Variants in CIAO3 observed in about 807,000 individuals in gnomAD.
CIAO3 encodes the protein LET1 like/JFP15.
Under a neutral mutation model 51.5 loss-of-function variants are expected in CIAO3, and 45 were observed. That is an observed-to-expected ratio of 0.87 (90% confidence interval 0.69 to 1.12). The LOEUF (loss-of-function observed/expected upper bound fraction) is 1.12. Among genes scored for constraint, CIAO3 ranks in the 50% most tolerant of loss-of-function variants. The pLI is 0.00. For missense variants in CIAO3, 668 were observed against 632.5 expected, an observed-to-expected ratio of 1.06 and a Z score of -0.60; for synonymous variants, 314 against 269.3, an observed-to-expected ratio of 1.17 and a Z score of -1.63.
At position 735,983 on chromosome 16, in the gene CIAO3, G is replaced by A. The variant is rs922502557; in HGVS notation, c.439+283C>T. Among the ~76,000 whole-genome samples, 5 of 152,158 alleles carry A rather than the reference G, an allele frequency of 3.3e-5. 1 individual carries two copies. In the South Asian group the frequency reaches 6.2e-4, roughly 19 times the overall value. ...CCTTGGCTGAACCCAACAGAGCCCC[G>A]GAGAGAGTGCCTTAATATTATCAGC... On this transcript the variant is annotated intron_variant, in intron 4 of 10. Coordinates refer to ENST00000251588, the MANE Select transcript of CIAO3 (RefSeq NM_022493.3).
In CIAO3 at chr16:739,692, A is replaced by C. The variant is rs1344071221; in HGVS notation, c.113T>G (p.Val38Gly). 1 of 1,614,084 alleles carries C rather than the reference A, an allele frequency of 6.2e-7. No homozygotes were observed. Residue 38 changes from valine to glycine, a missense_variant, in exon 2 of 11, where the codon GTG becomes GGG. Transcript: ENST00000251588. ...VKVEKRAGSG[V>G]AKIRIEDDGS... ...GTCATCTTCAATGCGAATCTTGGCC[A>C]CGCCACTTCCCGCCCTTTTTTCCAC...
In CIAO3 at chr16:730,167, C is replaced by G. The variant is rs2041256812; in HGVS notation, c.*250G>C. 2 of 579,624 alleles carry G rather than the reference C, an allele frequency of 3.5e-6. No individual in the cohort carries two copies. Among genetic ancestry groups the G allele is most frequent in the South Asian group, 4.1e-5 (2 of 48,948 alleles). The allele number at this position is 579,624 out of a possible 1,614,324, so 35.9% of individuals were successfully genotyped here. A position where few individuals can be genotyped will look rare whatever the true frequency, so the allele number is the denominator to read the frequency against. ...CGGCCCAGGGCCAACGGAACAGGCT[C>G]TGGGACCTCAGGGAACCTTCTGCTG... On this transcript the variant is annotated 3_prime_UTR_variant, in exon 11 of 11. Transcript: ENST00000251588.
At chr16:734,925 C>T in intron 4 of CIAO3, 54 bp from the exon 5 acceptor site, 1 of 1,489,558 alleles carries the variant, frequency 6.7e-7, no homozygotes, top group South Asian at 1.3e-5. Flanking sequence ...CCCACACGAG[C>T]ACACGCCGGC....
At chr16:740,881 C>T in intron 1 of CIAO3, 39 bp downstream of exon 1, 1 of 1,517,256 alleles carries the variant, frequency 6.6e-7, no homozygotes, top group Non-Finnish European at 8.8e-7. Flanking sequence ...GACAGGGCAC[C>T]GAGCGCAGCC....
chr16:740,906 C>T lies in CIAO3; in HGVS notation c.66+14G>A. ...CGAGCGCAGCCTCGACCCCGCCCGC[C>T]CAGGCCGGCCCACCTGAGACGGCCC... is the stretch of plus-strand genomic sequence containing the variant. On this transcript the variant is annotated intron_variant, in intron 1 of 10. Transcript: ENST00000251588. 6.5e-7 allele frequency: 1 copy of T among 1,528,430 alleles called. No homozygotes were observed. Among genetic ancestry groups the T allele is most frequent in the South Asian group, 1.2e-5 (1 of 83,460 alleles). 94.7% of individuals were successfully genotyped at this position (1,528,430 alleles called of 1,614,324 possible). A position where few individuals can be genotyped will look rare whatever the true frequency, so the allele number is the denominator to read the frequency against.
In CIAO3 at chr16:737,754, G is replaced by A. The variant is rs1382097209; in HGVS notation, c.163-425C>T. On this transcript the variant is annotated intron_variant, in intron 2 of 10. Coordinates refer to ENST00000251588, the MANE Select transcript of CIAO3 (RefSeq NM_022493.3). The surrounding 1 kb of genome is among the most constrained non-coding windows in gnomAD (Gnocchi z 5.3). Reference sequence around the variant, plus strand: ...GGAGGAAAGGACGAAGGCACAGGAAGAGGAGAGCAGAGGGAGGAAGCCTGG... The same window carrying A: ...GGAGGAAAGGACGAAGGCACAGGAAAAGGAGAGCAGAGGGAGGAAGCCTGG... The A allele has an allele frequency of 2.4e-5, 30 of 1,252,172 alleles. No homozygotes were observed. Among genetic ancestry groups the A allele is most frequent in the Admixed American group, 7.9e-5 (3 of 38,042 alleles). The allele number at this position is 1,252,172 out of a possible 1,614,324, so 77.6% of individuals were successfully genotyped here. A position where few individuals can be genotyped will look rare whatever the true frequency, so the allele number is the denominator to read the frequency against.
In CIAO3 at chr16:730,975, G is replaced by A; in HGVS notation, c.1060C>T (p.Leu354=). 4 of 1,612,926 alleles carry A rather than the reference G, an allele frequency of 2.5e-6. No homozygotes were observed. The highest frequency in any genetic ancestry group is 2.5e-6 in the Non-Finnish European group (3 of 1,179,972). Residue 354 remains leucine, a synonymous_variant, in exon 10 of 11, where the codon CTG becomes TTG. Coordinates refer to ENST00000251588, the MANE Select transcript of CIAO3 (RefSeq NM_022493.3). Reference sequence around the variant, plus strand: ...AGCAGCACCTGGCCCTCCTTCTCCAGTGTCACCTCCTGGAAGTCTTTGTTC... The same window carrying A: ...AGCAGCACCTGGCCCTCCTTCTCCAATGTCACCTCCTGGAAGTCTTTGTTC... ...LRNKDFQEVT[L]EKEGQVLLHF... is the part of the protein sequence containing the mutation.
chr16:738,478 G>A (rs538180604), intron 2 of CIAO3: 10 of 336,428 alleles, frequency 3.0e-5, no homozygotes, highest in Non-Finnish European at 3.8e-5. Context: ...CTTCCCGGTA[G>A]CTGGGACTAC....
intron 4 of CIAO3, 142 bp downstream of exon 4, chr16:736,124 G>A: frequency 9.2e-7 from 1 of 1,085,770 alleles, no homozygotes; most frequent in Non-Finnish European, 1.3e-6. Context: ...TCAGGCTGAG[G>A]TCACAGAGGG....
intron 8 of CIAO3, 27 bp from the exon 9 acceptor site, chr16:731,729 C>T (rs780927455): frequency 2.6e-6 from 4 of 1,522,072 alleles, no homozygotes; most frequent in Middle Eastern, 1.7e-4. Flanking sequence ...GGCCTCAGCA[C>T]AGCTGGGGCT....
chr16:731,323 G>A (rs1305251794), intron 9 of CIAO3: 1 of 622,924 alleles, frequency 1.6e-6, no homozygotes, highest in Non-Finnish European at 2.7e-6. Flanking sequence ...GCCCATGCTG[G>A]CCTCTCGGGC....
rs1344605238 is a variant in CIAO3, at chr16:734,309, T to C, written c.613A>G (p.Ile205Val). The C allele has an allele frequency of 6.2e-7, 1 of 1,611,576 alleles. No homozygotes were observed. The highest frequency in any genetic ancestry group is 1.7e-5 in the Admixed American group (1 of 59,998). ...CYAEKTHGSFILPHISTARSP... is the reference protein window; with the variant it reads ...CYAEKTHGSFVLPHISTARSP... Reference sequence around the variant, plus strand: ...CGGGCGGTGCTGATGTGGGGGAGGATGAAGCTGCCGTGAGTCTTCTCGGCA... The same window carrying C: ...CGGGCGGTGCTGATGTGGGGGAGGACGAAGCTGCCGTGAGTCTTCTCGGCA... Residue 205 changes from isoleucine (I) to valine (V), a missense_variant, in exon 6 of 11, where the codon ATC (isoleucine) becomes GTC (valine). Coordinates refer to ENST00000251588, the MANE Select transcript of CIAO3 (RefSeq NM_022493.3).
At position 734,804 on chromosome 16, in the gene CIAO3, A is replaced by G; in HGVS notation, c.507T>C (p.Phe169=). ...CGGCCTGTCCTCGGAATCGCCGCAC[A>G]AACTCTCGCTGGCTCTCCAGGAGGC... ...HFSLLESQRE[F]VRRFRGQADC... Residue 169 remains phenylalanine (F), a synonymous_variant, in exon 5 of 11, where the codon TTT becomes TTC. Coordinates refer to ENST00000251588, the MANE Select transcript of CIAO3 (RefSeq NM_022493.3). The G allele has an allele frequency of 6.2e-7, 1 of 1,606,158 alleles. No individual in the cohort carries two copies. Among genetic ancestry groups the G allele is most frequent in the Non-Finnish European group, 8.5e-7 (1 of 1,174,908 alleles).
Position 730,551 on chromosome 16 carries a change from C to T in CIAO3, c.1297G>A (p.Glu433Lys), listed in dbSNP as rs374312196. ...LYGMVRAEAP[E>K]DAPGVQELYT... Reference sequence around the variant, plus strand: ...AGCTCCTGAACCCCAGGCGCGTCCTCGGGCGCCTCAGCCCGGACCATGCCG... The same window carrying T: ...AGCTCCTGAACCCCAGGCGCGTCCTTGGGCGCCTCAGCCCGGACCATGCCG... The change falls in exon 11 of 11, where the codon GAG becomes AAG. Residue 433 changes from glutamate to lysine, a missense_variant. Glu to Lys is a moderately conservative substitution (Grantham distance 56). Transcript: ENST00000251588. 17 of 1,610,886 alleles carry T rather than the reference C, an allele frequency of 1.1e-5. No homozygotes were observed. Among genetic ancestry groups the T allele is most frequent in the African/African-American group, 6.7e-5 (5 of 74,950 alleles).
chr16:733,424 A>G lies in CIAO3; in HGVS notation c.697T>C (p.Leu233=). The part of the protein sequence containing the change: ...VKDFFAQQQH[L]TPDKIYHVTV... ...ACGTGGTAGATCTTGTCAGGGGTCA[A>G]GTGCTACAAGGAGAAACAAACACTT... Residue 233 remains leucine, a synonymous_variant, in exon 7 of 11, where the codon TTG becomes CTG. Transcript: ENST00000251588. The G allele has an allele frequency of 6.2e-7, 1 of 1,613,744 alleles. No homozygotes were observed. The highest frequency in any genetic ancestry group is 2.2e-5 in the East Asian group (1 of 44,880).
At position 733,544 on chromosome 16, in the gene CIAO3, TC is replaced by T. The variant is rs1427743321; in HGVS notation, c.694-118del. On this transcript the variant is annotated intron_variant, in intron 6 of 10. Coordinates refer to ENST00000251588, the MANE Select transcript of CIAO3 (RefSeq NM_022493.3). ...GACCCCGAGGGACAGTGAGCCTCAC[TC>T]CATTTCCCAGCAAGCCTCCTGCCGG... 5 of 1,474,430 alleles carry T rather than the reference TC, an allele frequency of 3.4e-6. No individual in the cohort carries two copies. In the East Asian group the frequency reaches 1.2e-4, roughly 34 times the overall value. The allele number at this position is 1,474,430 out of a possible 1,614,324, so 91.3% of individuals were successfully genotyped here.
chr16:736,955 C>T (rs968613805), intron 3 of CIAO3: 16 of 562,722 alleles, frequency 2.8e-5, no homozygotes, highest in Non-Finnish European at 5.0e-5. Context: ...TGAGCCCCCG[C>T]GCCCAGTAGG....
rs949195614 is a variant in CIAO3 at position 734,995 on chromosome 16, C to T, written c.440-124G>A. ...GTCGCACCTGCTTGCCGTGCCAAAG[C>T]CCCGGCCCCACCGTGGGGACCTCCT... On this transcript the variant is annotated intron_variant, in intron 4 of 10. Transcript: ENST00000251588. 5 of 1,330,196 alleles carry T rather than the reference C, an allele frequency of 3.8e-6. No individual in the cohort carries two copies. In the Admixed American group the frequency reaches 9.0e-5, roughly 24 times the overall value. 82.4% of individuals were successfully genotyped at this position (1,330,196 alleles called of 1,614,324 possible). A position where few individuals can be genotyped will look rare whatever the true frequency, so the allele number is the denominator to read the frequency against.
At chr16:733,908 G>A (rs2041310916) in intron 6 of CIAO3, 1 of 408,512 alleles carries the variant, frequency 2.4e-6, no homozygotes, top group East Asian at 5.5e-5. Flanking sequence ...TGGGCCTCAG[G>A]TGGGGGTCGT....
Sources: allele counts gnomAD v4.1 joint callset (sites outside exome capture counted in the v4.1 genomes callset), GRCh38; gene constraint gnomAD v4.1.1; non-coding constraint Gnocchi (gnomAD v3.1); transcripts MANE v1.5; gene names NCBI Gene and HGNC (gene_info 2026-07-23, HGNC 2026-07-21).